PRKG1: variants seen among roughly 807,000 people sequenced by gnomAD.
The protein encoded by PRKG1 is cGMP-dependent protein kinase 1.
PRKG1 carries 35 observed loss-of-function variants against 88.1 expected under a neutral mutation model. The ratio of observed to expected loss-of-function variants is 0.40; its 90% CI spans 0.30 to 0.53. The LOEUF (loss-of-function observed/expected upper bound fraction) is 0.53, where lower values mean the gene tolerates loss of function less well. PRKG1 is among the 20% of genes least tolerant of loss of function. PRKG1 has a pLI of 0.59. For missense variants in PRKG1, 540 were observed against 839.8 expected, an observed-to-expected ratio of 0.64 and a Z score of 4.41; for synonymous variants, 303 against 292.5, an observed-to-expected ratio of 1.04 and a Z score of -0.37.
At chr10:51,909,947 A>G (rs576274017) in intron 5 of PRKG1, 1 of 152,332 alleles carries the variant, frequency 6.6e-6, no homozygotes, top group African/African-American at 2.4e-5. Flanking sequence ...AGCACAAGAG[A>G]ATAGGCGCTG....
chr10:51,843,093 C>CTTTTTTTTTTT lies in PRKG1; in HGVS notation c.698+38416_698+38426dup, dbSNP rs1167219822. 7.5e-4 allele frequency among the ~76,000 whole-genome samples: 66 copies of CTTTTTTTTTTT among 87,886 alleles called. 3 individuals are homozygous for CTTTTTTTTTTT. The highest frequency in any genetic ancestry group is 1.0e-3 in the Non-Finnish European group (45 of 43,422). The allele number at this position is 87,886 out of a possible 152,430, so 57.7% of individuals were successfully genotyped here. A position where few individuals can be genotyped will look rare whatever the true frequency, so the allele number is the denominator to read the frequency against. ...TTTATTTAAATTTAGGAAAATTATT[C>CTTTTTTTTTTT]TTTTTTTTTTTTTTTTTTTTTTTGA... On this transcript the variant is annotated intron_variant, in intron 4 of 17. Coordinates refer to ENST00000373980, the MANE Select transcript of PRKG1 (RefSeq NM_006258.4).
chr10:51,986,209 C>T lies in PRKG1; in HGVS notation c.763-68275C>T, dbSNP rs901765551. Among the ~76,000 whole-genome samples, 16 of 152,076 alleles carry T rather than the reference C, an allele frequency of 1.1e-4. 1 individual carries two copies. Among genetic ancestry groups the T allele is most frequent in the East Asian group, 5.8e-4 (3 of 5,192 alleles). Reference sequence around the variant, plus strand: ...CATCTTAAAATTGAAAAAAAATTAACGCTTGTAAGTCAGGAACCACCTGTA... The same window carrying T: ...CATCTTAAAATTGAAAAAAAATTAATGCTTGTAAGTCAGGAACCACCTGTA... On this transcript the variant is annotated intron_variant, in intron 5 of 17. Coordinates refer to ENST00000373980, the MANE Select transcript of PRKG1 (RefSeq NM_006258.4).
chr10:51,415,463 G>A (rs774091400), intron 2 of PRKG1, among the ~76,000 whole-genome samples: 1 of 152,072 alleles, frequency 6.6e-6, no homozygotes, highest in Non-Finnish European at 1.5e-5. Flanking sequence ...CCACCATCAT[G>A]TATATCTCTT....
chr10:51,920,551 A>G (rs1842441954), intron 5 of PRKG1, among the ~76,000 whole-genome samples: 2 of 152,126 alleles, frequency 1.3e-5, no homozygotes, highest in South Asian at 4.1e-4. Flanking sequence ...TCCTACATAT[A>G]TGGATATATG....
At chr10:51,556,952 T>A (rs1198163462) in intron 3 of PRKG1, among the ~76,000 whole-genome samples, 1 of 149,390 alleles carries the variant, frequency 6.7e-6, no homozygotes, top group Admixed American at 6.7e-5. Context: ...TTGACTTTCA[T>A]GGAATTTAAA....
intron 2 of PRKG1, among the ~76,000 whole-genome samples, chr10:51,222,996 C>CA (rs1838591146): frequency 6.7e-6 from 1 of 150,216 alleles, no homozygotes; most frequent in Non-Finnish European, 1.5e-5. Context: ...ATTTGTTACT[C>CA]AGTGTGTTTG....
intron 9 of PRKG1, among the ~76,000 whole-genome samples, chr10:52,226,890 T>C (rs1840402312): frequency 6.6e-6 from 1 of 152,132 alleles, no homozygotes; most frequent in Non-Finnish European, 1.5e-5. Context: ...CCTTTGAAAA[T>C]GTGCAGATGC....
intron 1 of PRKG1, among the ~76,000 whole-genome samples, chr10:51,034,668 T>TTTTTATATATA (rs9299454): frequency 1.0e-4 from 7 of 68,188 alleles, no homozygotes; most frequent in South Asian, 5.4e-4. Context: ...AATATGTTAT[T>TTTTTATATATA]TATATATATA....
intron 7 of PRKG1, among the ~76,000 whole-genome samples, chr10:52,110,636 G>A (rs1034974171): frequency 5.9e-5 from 9 of 152,112 alleles, no homozygotes; most frequent in African/African-American, 2.2e-4. Flanking sequence ...TTTTAGAGCC[G>A]AGACATAGTT....
chr10:51,671,500 A>G (rs1348273129), intron 3 of PRKG1, among the ~76,000 whole-genome samples: 1 of 151,804 alleles, frequency 6.6e-6, no homozygotes. Flanking sequence ...TTGTAGATGC[A>G]TCACTTCGGT....
chr10:51,278,092 G>A (rs1450100467), intron 2 of PRKG1, among the ~76,000 whole-genome samples: 1 of 152,118 alleles, frequency 6.6e-6, no homozygotes, highest in Non-Finnish European at 1.5e-5. Context: ...CTGTGGGTTT[G>A]TCATAAATAG....
chr10:51,938,635 C>G (rs1008277548), intron 5 of PRKG1, among the ~76,000 whole-genome samples: 1 of 151,852 alleles, frequency 6.6e-6, no homozygotes, highest in Non-Finnish European at 1.5e-5. Flanking sequence ...CTTACTCACC[C>G]CTCTTCCCAC....
chr10:51,251,550 C>A (rs1374159650), intron 2 of PRKG1, among the ~76,000 whole-genome samples: 1 of 151,544 alleles, frequency 6.6e-6, no homozygotes, highest in Non-Finnish European at 1.5e-5. Context: ...TAGAAGTGAT[C>A]AAATGGTAAT....
intron 2 of PRKG1, among the ~76,000 whole-genome samples, chr10:51,402,205 T>A (rs1837758863): frequency 6.6e-6 from 1 of 152,216 alleles, no homozygotes; most frequent in East Asian, 1.9e-4. Context: ...TGTACAGGGA[T>A]CCATGTGTTC....
At chr10:51,789,154 C>T (rs774001579) in intron 3 of PRKG1, among the ~76,000 whole-genome samples, 1 of 152,116 alleles carries the variant, frequency 6.6e-6, no homozygotes. Flanking sequence ...ACAGCCTATC[C>T]AACTGACAAA....
intron 2 of PRKG1, among the ~76,000 whole-genome samples, chr10:51,213,913 A>G (rs374587079): frequency 6.6e-6 from 1 of 152,194 alleles, no homozygotes; most frequent in Non-Finnish European, 1.5e-5. Flanking sequence ...AGATTTATCC[A>G]TAAGATTTAG....
At chr10:51,281,245 G>T (rs1255368057) in intron 2 of PRKG1, among the ~76,000 whole-genome samples, 2 of 152,158 alleles carry the variant, frequency 1.3e-5, no homozygotes, top group African/African-American at 4.8e-5. Flanking sequence ...AGGGGTACCT[G>T]GCCATGTGAG....
chr10:51,693,501 A>G (rs1214519617), intron 3 of PRKG1, among the ~76,000 whole-genome samples: 1 of 151,884 alleles, frequency 6.6e-6, no homozygotes, highest in Non-Finnish European at 1.5e-5. Context: ...TCCCAGGTTC[A>G]AGTGCTTCTC....
intron 2 of PRKG1, among the ~76,000 whole-genome samples, chr10:51,223,724 G>T (rs1006747535): frequency 1.3e-5 from 2 of 151,918 alleles, no homozygotes; most frequent in African/African-American, 2.4e-5. Context: ...AATTCTTCGA[G>T]AAAGACATCA....
Sources: gnomAD v4.1 joint callset for allele counts (sites outside exome capture counted in the v4.1 genomes callset) on GRCh38, gnomAD v4.1.1 for gene constraint, MANE v1.5 for transcripts, NCBI Gene and HGNC (gene_info 2026-07-23, HGNC 2026-07-21) for gene names.